PANK4: variants seen among roughly 807,000 people sequenced by gnomAD.
The protein encoded by PANK4 is 4'-phosphopantetheine phosphatase.
Under a neutral mutation model 87.9 loss-of-function variants are expected in PANK4, and 40 were observed. That is an observed-to-expected ratio of 0.46 (90% CI 0.35 to 0.59). PANK4 has a LOEUF of 0.59. Among genes scored for constraint, PANK4 ranks in the 20% least tolerant of loss-of-function variants. PANK4 has a pLI of 0.00. For missense variants in PANK4, 926 were observed against 1,072.3 expected (o/e 0.86, Z 1.90); for synonymous variants, 524 against 467.4 (o/e 1.12, Z -1.56).
Position 2,508,821 on chromosome 1 carries a change from CA to C in PANK4, c.*25del, listed in dbSNP as rs1643611563. On this transcript the variant is annotated 3_prime_UTR_variant, in exon 19 of 19. Coordinates refer to ENST00000378466, the MANE Select transcript of PANK4 (RefSeq NM_018216.4). This position sits in a 1 kb window ranked among gnomAD's most constrained non-coding sequence, Gnocchi z 5.1. Reference sequence around the variant, plus strand: ...AAACACATTCCTGACAAGTGACAAGCAGAAGAGTCCGGCAGCTGCAGCGCCT... The same window carrying C: ...AAACACATTCCTGACAAGTGACAAGCGAAGAGTCCGGCAGCTGCAGCGCCT... 1 of 1,359,126 alleles carries C rather than the reference CA, an allele frequency of 7.4e-7. No individual in the cohort carries two copies. The highest frequency in any genetic ancestry group is 1.0e-6 in the Non-Finnish European group (1 of 962,026). The allele number at this position is 1,359,126 out of a possible 1,614,324, so 84.2% of individuals were successfully genotyped here.
chr1:2,521,319 G>A lies in PANK4; in HGVS notation c.208-4C>T. 6.2e-7 allele frequency: 1 copy of A among 1,611,820 alleles called. No individual in the cohort carries two copies. The highest frequency in any genetic ancestry group is 1.3e-5 in the African/African-American group (1 of 75,030). Reference sequence around the variant, plus strand: ...GCTCATGTTCACGTTCTGTGTCCTGGAAAACAGAGTAGGGGAGGCCGCATG... The same window carrying A: ...GCTCATGTTCACGTTCTGTGTCCTGAAAAACAGAGTAGGGGAGGCCGCATG... On this transcript the variant is annotated splice_polypyrimidine_tract_variant and splice_region_variant and intron_variant, in intron 2 of 18. Coordinates refer to ENST00000378466, the MANE Select transcript of PANK4 (RefSeq NM_018216.4).
chr1:2,518,410 C>G (rs576252890), intron 8 of PANK4, 106 bp downstream of exon 8: 1 of 1,051,718 alleles, frequency 9.5e-7, no homozygotes, highest in African/African-American at 1.6e-5. Context: ...TCTGAGGACT[C>G]ACGCTCCCCA....
chr1:2,511,663 T>C lies in PANK4; in HGVS notation c.1748A>G (p.Tyr583Cys), dbSNP rs765291841. ...AVSAVLESDPYFGFEEAKRKL... is the reference protein window; with the variant it reads ...AVSAVLESDPCFGFEEAKRKL... Reference sequence around the variant, plus strand: ...CCTCTTTGCTTCTTCAAACCCAAAGTAGGGGTCGGATTCAAGGACACTGCA... The same window carrying C: ...CCTCTTTGCTTCTTCAAACCCAAAGCAGGGGTCGGATTCAAGGACACTGCA... The change falls in exon 14 of 19, where the codon TAC becomes TGC. Residue 583 changes from tyrosine (Y) to cysteine (C), a missense_variant. By Grantham distance (194) the Tyr-to-Cys change is radical. Transcript: ENST00000378466. 3.1e-6 allele frequency: 5 copies of C among 1,609,602 alleles called. No individual in the cohort carries two copies. In the African/African-American group the frequency reaches 4.0e-5, roughly 13 times the overall value.
chr1:2,519,077 C>A lies in PANK4; in HGVS notation c.1035+66G>T, dbSNP rs750530022. ...TGGGGGTGCTGCGGTGTCTAACCAG[C>A]ATGACTGATTGGGAAGATCCTGGGG... is the stretch of plus-strand genomic sequence containing the variant. On this transcript the variant is annotated intron_variant, in intron 7 of 18. Transcript: ENST00000378466. This position sits in a 1 kb window ranked among gnomAD's most constrained non-coding sequence, Gnocchi z 8.3. 2.0e-6 allele frequency: 3 copies of A among 1,472,410 alleles called. No homozygotes were observed. The highest frequency in any genetic ancestry group is 2.8e-6 in the Non-Finnish European group (3 of 1,068,296). 91.2% of individuals were successfully genotyped at this position (1,472,410 alleles called of 1,614,324 possible). A position where few individuals can be genotyped will look rare whatever the true frequency, so the allele number is the denominator to read the frequency against.
chr1:2,515,986 C>T lies in PANK4; in HGVS notation c.1219-269G>A, dbSNP rs893177986. The stretch of plus-strand genomic sequence containing the variant: ...CCCCAGCACCTCCCCGCTGCAGCCA[C>T]ACCTCCCCAATCACCGCTGCAGTCA... On this transcript the variant is annotated intron_variant, in intron 9 of 18. Coordinates refer to ENST00000378466, the MANE Select transcript of PANK4 (RefSeq NM_018216.4). This position sits in a 1 kb window ranked among gnomAD's most constrained non-coding sequence, Gnocchi z 5.0. 5.5e-6 allele frequency: 3 copies of T among 547,110 alleles called. No homozygotes were observed. The highest frequency in any genetic ancestry group is 4.2e-5 in the South Asian group (2 of 47,712). 33.9% of individuals were successfully genotyped at this position (547,110 alleles called of 1,614,324 possible). A position where few individuals can be genotyped will look rare whatever the true frequency, so the allele number is the denominator to read the frequency against.
chr1:2,521,494 G>A, intron 2 of PANK4, 179 bp from the exon 3 acceptor site: 1 of 690,830 alleles, frequency 1.4e-6, no homozygotes, highest in Non-Finnish European at 2.5e-6. Context: ...GGGCCACCCA[G>A]CAGGAGCGGA....
Position 2,508,853 on chromosome 1 carries a change from G to T in PANK4, c.2316C>A (p.Ala772=). Residue 772 remains alanine, a synonymous_variant, in exon 19 of 19, where the codon GCC becomes GCA. Coordinates refer to ENST00000378466, the MANE Select transcript of PANK4 (RefSeq NM_018216.4). This position sits in a 1 kb window ranked among gnomAD's most constrained non-coding sequence, Gnocchi z 5.1. Reference sequence around the variant, plus strand: ...GTCCGGCAGCTGCAGCGCCTCACTCGGCTGGGACCTCGTACTTGAAGATGA... The same window carrying T: ...GTCCGGCAGCTGCAGCGCCTCACTCTGCTGGGACCTCGTACTTGAAGATGA... ...FSVIFKYEVP[A]E 1 of 1,583,036 alleles carries T rather than the reference G, an allele frequency of 6.3e-7. No homozygotes were observed. Among genetic ancestry groups the T allele is most frequent in the Non-Finnish European group, 8.6e-7 (1 of 1,158,388 alleles).
intron 9 of PANK4, 70 bp downstream of exon 9, chr1:2,518,094 G>C (rs1263852216): frequency 1.1e-6 from 1 of 925,862 alleles, no homozygotes; most frequent in South Asian, 1.7e-5. Context: ...GCTTCGCTCA[G>C]GGACAGGCGA....
chr1:2,512,104 G>C (rs192902016), intron 13 of PANK4, among the ~76,000 whole-genome samples: 5 of 152,194 alleles, frequency 3.3e-5, no homozygotes, highest in African/African-American at 1.2e-4. Flanking sequence ...ACTGGCAGCC[G>C]CAGTATGGTC....
At position 2,509,970 on chromosome 1, in the gene PANK4, A is replaced by G. The variant is rs1394939406; in HGVS notation, c.2040-40T>C. On this transcript the variant is annotated intron_variant, in intron 17 of 18. Transcript: ENST00000378466. This position sits in a 1 kb window ranked among gnomAD's most constrained non-coding sequence, Gnocchi z 4.9. The stretch of plus-strand genomic sequence containing the variant: ...GTGGTCAGTGCCCCCAGGAGCTCCC[A>G]GTTCAGTGACAATCCCCATGGCCCA... 4 of 1,596,274 alleles carry G rather than the reference A, an allele frequency of 2.5e-6. No homozygotes were observed. Among genetic ancestry groups the G allele is most frequent in the South Asian group, 1.1e-5 (1 of 89,208 alleles).
intron 14 of PANK4, 108 bp from the exon 15 acceptor site, chr1:2,511,495 C>T (rs933425795): frequency 7.2e-5 from 80 of 1,107,460 alleles, no homozygotes; most frequent in Non-Finnish European, 1.0e-4. Flanking sequence ...TCCCCGCCCC[C>T]GAAGCCCAGC....
chr1:2,520,287 A>C lies in PANK4; in HGVS notation c.699+35T>G, dbSNP rs1220931370. 1 of 1,585,274 alleles carries C rather than the reference A, an allele frequency of 6.3e-7. No individual in the cohort carries two copies. Among genetic ancestry groups the C allele is most frequent in the Admixed American group, 1.7e-5 (1 of 59,958 alleles). On this transcript the variant is annotated intron_variant, in intron 5 of 18. Coordinates refer to ENST00000378466, the MANE Select transcript of PANK4 (RefSeq NM_018216.4). The surrounding 1 kb of genome is among the most constrained non-coding windows in gnomAD (Gnocchi z 6.2). Reference sequence around the variant, plus strand: ...GGGGGAAGGAAGCAGACATCTCCGCAGACCCCTGGAAGGTCTCTGGCAGCT... The same window carrying C: ...GGGGGAAGGAAGCAGACATCTCCGCCGACCCCTGGAAGGTCTCTGGCAGCT...
chr1:2,513,877 G>A (rs1000885516), intron 12 of PANK4, 125 bp downstream of exon 12: 22 of 766,012 alleles, frequency 2.9e-5, no homozygotes, highest in Admixed American at 5.2e-5. Context: ...AGTTGGGGCC[G>A]CTACCAAACC....
chr1:2,523,264 G>A (rs1376760062), intron 1 of PANK4, among the ~76,000 whole-genome samples: 2 of 152,040 alleles, frequency 1.3e-5, no homozygotes, highest in African/African-American at 4.8e-5. Context: ...CAGGCTCCCC[G>A]ACGGCTGGCG....
Position 2,510,755 on chromosome 1 carries a change from A to G in PANK4, c.1861T>C (p.Phe621Leu), listed in dbSNP as rs371226906. 8.7e-6 allele frequency: 14 copies of G among 1,612,086 alleles called. No homozygotes were observed. Among genetic ancestry groups the G allele is most frequent in the Non-Finnish European group, 1.1e-5 (13 of 1,178,898 alleles). ...ATGTCTATTCCACTGTTATCTGCGA[A>G]AATTAAGGCACATTTATGAGGGGGC... Reference protein sequence around the residue: ...KGPPHKCALIFADNSGIDIIL... With the variant: ...KGPPHKCALILADNSGIDIIL... The change falls in exon 16 of 19, where the codon TTC becomes CTC. Residue 621 changes from phenylalanine to leucine, a missense_variant. Physicochemically the swap from Phe to Leu is conservative, Grantham distance 22. Coordinates refer to ENST00000378466, the MANE Select transcript of PANK4 (RefSeq NM_018216.4). This position sits in a 1 kb window ranked among gnomAD's most constrained non-coding sequence, Gnocchi z 4.9.
chr1:2,510,062 G>A lies in PANK4; in HGVS notation c.2034C>T (p.Val678=), dbSNP rs59543907. The A allele has an allele frequency of 1.2e-5, 19 of 1,608,268 alleles. 1 individual carries two copies. The highest frequency in any genetic ancestry group is 1.0e-4 in the South Asian group (9 of 90,298). Residue 678 remains valine, a synonymous_variant, in exon 17 of 19, where the codon GTC becomes GTT. Coordinates refer to ENST00000378466, the MANE Select transcript of PANK4 (RefSeq NM_018216.4). This position sits in a 1 kb window ranked among gnomAD's most constrained non-coding sequence, Gnocchi z 4.9. ...CACTGCCCGCCAACACTCACTGCAC[G>A]ACAGGGTCCATGCCCGCAATACGCT... ...VAERIAGMDP[V]VHSALQEERL...
intron 13 of PANK4, among the ~76,000 whole-genome samples, chr1:2,512,010 G>A (rs1643670255): frequency 6.6e-6 from 1 of 152,200 alleles, no homozygotes; most frequent in African/African-American, 2.4e-5. Context: ...AAGGCTCAGG[G>A]GGCCACCAAG....
Position 2,511,544 on chromosome 1 carries a change from C to A in PANK4, c.1783+84G>T, listed in dbSNP as rs867432230. ...AGCAGGGGAGGTGCCTGGACCCCGACCGCAACTGCATTCGCTGTTGCAGAG... is the reference window on the plus strand; with the variant it reads ...AGCAGGGGAGGTGCCTGGACCCCGAACGCAACTGCATTCGCTGTTGCAGAG... On this transcript the variant is annotated intron_variant, in intron 14 of 18. Coordinates refer to ENST00000378466, the MANE Select transcript of PANK4 (RefSeq NM_018216.4). 3.2e-5 allele frequency: 37 copies of A among 1,148,028 alleles called. No homozygotes were observed. The African/African-American group carries it at 5.2e-4, about 16-fold the overall frequency. The allele number at this position is 1,148,028 out of a possible 1,614,324, so 71.1% of individuals were successfully genotyped here.
At chr1:2,518,676 G>T in intron 7 of PANK4, 79 bp from the exon 8 acceptor site, 1 of 1,233,766 alleles carries the variant, frequency 8.1e-7, no homozygotes, top group Admixed American at 2.0e-5. Context: ...CAACGTGCGC[G>T]GGCCTCGCAC....
Sources: allele counts gnomAD v4.1 joint callset (sites outside exome capture counted in the v4.1 genomes callset), GRCh38; gene constraint gnomAD v4.1.1; non-coding constraint Gnocchi (gnomAD v3.1); transcripts MANE v1.5; gene names NCBI Gene and HGNC (gene_info 2026-07-23, HGNC 2026-07-21).